HUWE1: variants seen among roughly 807,000 people sequenced by gnomAD.
The protein encoded by HUWE1 is HECT, UBA and WWE domain containing E3 ubiquitin protein ligase 1.
In HUWE1, 18 loss-of-function variants were observed where a neutral mutation model predicts 299.4. The ratio of observed to expected loss-of-function variants is 0.06; its 90% CI spans 0.04 to 0.09. The LOEUF is 0.09. HUWE1 is among the 10% of genes least tolerant of loss of function. HUWE1 has a pLI of 1.00. For missense variants in HUWE1, 1,832 were observed against 3,462.3 expected (o/e 0.53, Z 11.82); for synonymous variants, 1,317 against 1,286.1 (o/e 1.02, Z -0.51).
At chrX:53,657,363 A>T (rs1166796446) in intron 3 of HUWE1, among the ~76,000 whole-genome samples, 1 of 111,461 alleles carries the variant, frequency 9.0e-6, no homozygotes, top group Non-Finnish European at 1.9e-5. Flanking sequence ...CATTTGAGGT[A>T]AGGAGTTCAA....
intron 17 of HUWE1, among the ~76,000 whole-genome samples, chrX:53,626,216 C>CGT (rs58080331): frequency 0.02 from 1,879 of 94,897 alleles, 49 homozygotes; most frequent in African/African-American, 0.067. Context: ...CATACATACA[C>CGT]GTGTGTGTGT....
At chrX:53,650,667 G>A (rs782349708) in intron 4 of HUWE1, among the ~76,000 whole-genome samples, 1 of 111,915 alleles carries the variant, frequency 8.9e-6, no homozygotes, top group Admixed American at 9.5e-5. Context: ...ACCAAATCTG[G>A]GGAAAAAATC....
chrX:53,590,522 A>G (rs1556977798), intron 34 of HUWE1, 23 bp from the exon 35 acceptor site: 1 of 1,078,545 alleles, frequency 9.3e-7, no homozygotes, highest in Admixed American at 2.2e-5. Context: ...GAGAATATCC[A>G]GTAAGGATAC....
chrX:53,538,893 T>C lies in HUWE1; in HGVS notation c.11820A>G (p.Ser3940=). Residue 3940 remains serine (S), a synonymous_variant, in exon 76 of 84, where the codon TCA becomes TCG. Coordinates refer to ENST00000262854, the MANE Select transcript of HUWE1 (RefSeq NM_031407.7). ...GCAGGCTTGAGGAGATGTGCATAGA[T>C]GAGGGCTCCCGGGAGAAGAATGGGT... The part of the protein sequence containing the change: ...SLDPFFSREP[S]SMHISSSLPP... 1.7e-6 allele frequency: 2 copies of C among 1,206,219 alleles called. No homozygotes were observed. Among genetic ancestry groups the C allele is most frequent in the East Asian group, 3.0e-5 (1 of 33,690 alleles).
At chrX:53,620,251 A>ATTT (rs200512159) in intron 19 of HUWE1, among the ~76,000 whole-genome samples, 4 of 84,327 alleles carry the variant, frequency 4.7e-5, no homozygotes, top group Non-Finnish European at 7.5e-5. Context: ...TGGAGCTTCC[A>ATTT]TTTGTCTTTT....
Position 53,536,484 on chromosome X carries a change from G to T in HUWE1, c.12321C>A (p.Phe4107Leu). The T allele has an allele frequency of 8.3e-7, 1 of 1,211,296 alleles. No homozygotes were observed. The highest frequency in any genetic ancestry group is 1.1e-6 in the Non-Finnish European group (1 of 895,171). Residue 4107 changes from phenylalanine to leucine, a missense_variant, in exon 79 of 84, where the codon TTC (phenylalanine) becomes TTA (leucine). Coordinates refer to ENST00000262854, the MANE Select transcript of HUWE1 (RefSeq NM_031407.7). Reference protein sequence around the residue: ...SHCNPNHLSYFKFVGRIVAKA... With the variant: ...SHCNPNHLSYLKFVGRIVAKA... Reference sequence around the variant, plus strand: ...TGGCCACAATGCGTCCGACAAACTTGAAGTAGCTGAGGTGGTTGGGGTTGC... The same window carrying T: ...TGGCCACAATGCGTCCGACAAACTTTAAGTAGCTGAGGTGGTTGGGGTTGC...
rs2061546347 is a variant in HUWE1 at position 53,546,517 on chromosome X, C to A, written c.10834G>T (p.Asp3612Tyr). 1.7e-6 allele frequency: 2 copies of A among 1,206,348 alleles called. No individual in the cohort carries two copies. The highest frequency in any genetic ancestry group is 2.2e-6 in the Non-Finnish European group (2 of 891,257). The change falls in exon 70 of 84, where the codon GAC becomes TAC. Residue 3612 changes from aspartate (D) to tyrosine (Y), a missense_variant. Around this residue, in one of 15 missense-constraint regions of HUWE1, gnomAD observed 48 missense variants for 87.0 expected, o/e 0.55. Transcript: ENST00000262854. ...ANVLLQLSRGDSGTRDTVLKL... is the reference protein window; with the variant it reads ...ANVLLQLSRGYSGTRDTVLKL... ...AGAACAGTGTCCCGGGTCCCAGAGT[C>A]CCCCCGGGAGAGCTGCAGTAGTACG...
intron 50 of HUWE1, 59 bp downstream of exon 50, chrX:53,565,008 T>A (rs1413351470): frequency 1.8e-6 from 2 of 1,111,902 alleles, no homozygotes; most frequent in Non-Finnish European, 2.5e-6. Flanking sequence ...ACAGTTGTGA[T>A]CCCAGGCCCA....
At chrX:53,611,332 G>A (rs1557002024) in intron 23 of HUWE1, among the ~76,000 whole-genome samples, 1 of 111,191 alleles carries the variant, frequency 9.0e-6, no homozygotes, top group African/African-American at 3.3e-5. Flanking sequence ...GTAACAAGTT[G>A]CTGACAGATG....
intron 2 of HUWE1, among the ~76,000 whole-genome samples, chrX:53,681,382 C>T (rs1338983295): frequency 4.7e-5 from 5 of 105,435 alleles, no homozygotes; most frequent in South Asian, 4.3e-4. Flanking sequence ...TGCAGTGAGC[C>T]GAGATCGCGC....
At position 53,532,399 on chromosome X, in the gene HUWE1, C is replaced by CT. The variant is rs782057994; in HGVS notation, c.*909dup. Reference sequence around the variant, plus strand: ...AAACTGAGCCCCAGACTCAAGACTACTAGAAAGGCTCACCAAGTAAAACCC... The same window carrying CT: ...AAACTGAGCCCCAGACTCAAGACTACTTAGAAAGGCTCACCAAGTAAAACCC... On this transcript the variant is annotated 3_prime_UTR_variant, in exon 84 of 84. Transcript: ENST00000262854. 5.4e-5 allele frequency: 6 copies of CT among 111,910 alleles called. No homozygotes were observed. The highest frequency in any genetic ancestry group is 5.6e-5 in the Non-Finnish European group (3 of 53,206). 9.2% of individuals were successfully genotyped at this position (111,910 alleles called of 1,213,427 possible).
In HUWE1 at chrX:53,648,440, G is replaced by A. The variant is rs1361486971; in HGVS notation, c.46-130C>T. 3.0e-5 allele frequency: 14 copies of A among 467,390 alleles called. No homozygotes were observed. The East Asian group carries it at 3.5e-4, about 12-fold the overall frequency. 38.5% of individuals were successfully genotyped at this position (467,390 alleles called of 1,213,427 possible). The stretch of plus-strand genomic sequence containing the variant: ...GCTAGGATTTACTACTTAAGAAAAC[G>A]AGATGTGCCAGACAATCTCTTGGGA... On this transcript the variant is annotated intron_variant, in intron 4 of 83. Coordinates refer to ENST00000262854, the MANE Select transcript of HUWE1 (RefSeq NM_031407.7).
At chrX:53,567,364 TAGG>T (rs1373361136) in intron 49 of HUWE1, among the ~76,000 whole-genome samples, 20 of 35,768 alleles carry the variant, frequency 5.6e-4, no homozygotes, top group Non-Finnish European at 8.8e-4. Context: ...AGGGGCCACA[TAGG>T]TCAAAGGTGT....
intron 47 of HUWE1, among the ~76,000 whole-genome samples, chrX:53,572,078 G>GT (rs782617464): frequency 2.0e-4 from 22 of 112,344 alleles, no homozygotes; most frequent in Non-Finnish European, 3.4e-4. Flanking sequence ...GGTAAAAGAT[G>GT]TATTTGTTTT....
intron 59 of HUWE1, among the ~76,000 whole-genome samples, chrX:53,557,735 A>G (rs2062091944): frequency 8.9e-6 from 1 of 111,950 alleles, no homozygotes; most frequent in Non-Finnish European, 1.9e-5. Context: ...TCTTGGTTTC[A>G]TCTATGTATT....
chrX:53,616,670 C>G (rs1202988084), intron 21 of HUWE1, among the ~76,000 whole-genome samples: 1 of 111,668 alleles, frequency 9.0e-6, no homozygotes, highest in Non-Finnish European at 1.9e-5. Flanking sequence ...ATGAACACCT[C>G]AGGACTCCAT....
chrX:53,642,448 C>T (rs1270130730), intron 7 of HUWE1, among the ~76,000 whole-genome samples: 2 of 112,207 alleles, frequency 1.8e-5, no homozygotes, highest in Non-Finnish European at 3.8e-5. Context: ...GCATGTGCCA[C>T]ATTTTACTTA....
chrX:53,579,029 CGGG>C (rs1264431959), intron 43 of HUWE1, among the ~76,000 whole-genome samples: 1 of 12,459 alleles, frequency 8.0e-5, no homozygotes, highest in Non-Finnish European at 1.4e-4. Flanking sequence ...GGGAGGGAGG[CGGG>C]GGGGGGGGTC....
At chrX:53,639,614 T>C in intron 7 of HUWE1, among the ~76,000 whole-genome samples, 1 of 111,883 alleles carries the variant, frequency 8.9e-6, no homozygotes, top group Non-Finnish European at 1.9e-5. Flanking sequence ...ATGAAGATAA[T>C]ATATAGAGAA....
Sources: gnomAD v4.1 joint callset for allele counts (sites outside exome capture counted in the v4.1 genomes callset) on GRCh38, gnomAD v4.1.1 for gene constraint, gnomAD v4.1.1 regional missense constraint, MANE v1.5 for transcripts, NCBI Gene and HGNC (gene_info 2026-07-23, HGNC 2026-07-21) for gene names.